Variants in MAST4 observed in about 807,000 individuals in gnomAD.
The protein encoded by MAST4 is microtubule associated serine/threonine kinase family member 4, also known as microtubule-associated serine/threonine-protein kinase 4.
MAST4 carries 89 observed loss-of-function variants against 162.7 expected under a neutral mutation model. That is an observed-to-expected ratio of 0.55 (90% CI 0.46 to 0.65). MAST4 has a LOEUF of 0.65. Ranked by LOEUF, MAST4 falls within the 30% of genes least tolerant of loss-of-function variation. The probability of loss-of-function intolerance (pLI) is 0.00; values close to 1 mark genes in which losing one functional copy is unlikely to be tolerated. For synonymous variants in MAST4, 1,479 were observed against 1,361.1 expected, an observed-to-expected ratio of 1.09 and a Z score of -1.91; for missense variants, 3,153 against 3,374.0, an observed-to-expected ratio of 0.93 and a Z score of 1.62.
At chr5:66,750,380 G>T (rs1753061237) in intron 1 of MAST4, among the ~76,000 whole-genome samples, 1 of 152,248 alleles carries the variant, frequency 6.6e-6, no homozygotes, top group Non-Finnish European at 1.5e-5. Flanking sequence ...TTCCATCTGA[G>T]GTACCGGGTT....
rs540532527 is a variant in MAST4, at chr5:66,627,055, G to C, written c.363+30037G>C. Among the ~76,000 whole-genome samples, 9 of 152,324 alleles carry C rather than the reference G, an allele frequency of 5.9e-5. 1 individual carries two copies. Among genetic ancestry groups the C allele is most frequent in the African/African-American group, 2.2e-4 (9 of 41,572 alleles). On this transcript the variant is annotated intron_variant, in intron 1 of 28. Transcript: ENST00000403625. ...TAATGCTGCTAATAAAGACATGTGA[G>C]ACTGGGTAATTTATAAAGGAAAGCG... is the stretch of plus-strand genomic sequence containing the variant.
chr5:66,928,560 A>G (rs948099490), intron 4 of MAST4, among the ~76,000 whole-genome samples: 1 of 152,166 alleles, frequency 6.6e-6, no homozygotes, highest in African/African-American at 2.4e-5. Flanking sequence ...GCAAATAAAT[A>G]CCATCTCTAC....
chr5:67,082,885 C>A (rs929557207), intron 5 of MAST4, among the ~76,000 whole-genome samples: 8 of 152,184 alleles, frequency 5.3e-5, no homozygotes, highest in Non-Finnish European at 1.2e-4. Flanking sequence ...ACTATTCTTA[C>A]AACTTTCCTC....
At chr5:66,807,886 C>T (rs535804873) in intron 3 of MAST4, among the ~76,000 whole-genome samples, 10 of 152,270 alleles carry the variant, frequency 6.6e-5, no homozygotes, top group East Asian at 1.9e-4. Flanking sequence ...ATATCAAAGC[C>T]GATATTCCTG....
intron 1 of MAST4, among the ~76,000 whole-genome samples, chr5:66,620,165 G>T (rs1430626461): frequency 6.6e-6 from 1 of 151,162 alleles, no homozygotes; most frequent in Admixed American, 6.6e-5. Context: ...CATATCCCAT[G>T]ATGCTGAAGA....
chr5:66,975,254 A>G (rs1353335502), intron 4 of MAST4, among the ~76,000 whole-genome samples: 2 of 152,136 alleles, frequency 1.3e-5, no homozygotes, highest in African/African-American at 4.8e-5. Context: ...CTGGGAGAAT[A>G]TATCTCTATT....
intron 4 of MAST4, among the ~76,000 whole-genome samples, chr5:66,971,105 A>G (rs1051260908): frequency 6.6e-6 from 1 of 152,144 alleles, no homozygotes; most frequent in African/African-American, 2.4e-5. Context: ...TTGCATTCAC[A>G]GTGTAAGATT....
intron 3 of MAST4, among the ~76,000 whole-genome samples, chr5:66,856,993 A>T (rs1163417728): frequency 3.9e-5 from 6 of 152,236 alleles, no homozygotes; most frequent in Non-Finnish European, 8.8e-5. Context: ...TTATAAAAGC[A>T]ATTGGATATT....
intron 1 of MAST4, among the ~76,000 whole-genome samples, chr5:66,615,402 A>G (rs1353132045): frequency 1.3e-5 from 2 of 152,126 alleles, no homozygotes; most frequent in Admixed American, 6.5e-5. Context: ...GTGGGTGACC[A>G]TGAGGATTTT....
At chr5:66,919,963 TCCTTCCTTCCTTCTTTC>T (rs1764415769) in intron 4 of MAST4, among the ~76,000 whole-genome samples, 3 of 111,134 alleles carry the variant, frequency 2.7e-5, no homozygotes, top group Admixed American at 9.5e-5. Flanking sequence ...CTTCCTTCCT[TCCTTCCTTCCTTCTTTC>T]TCTCTCTCTC....
At chr5:66,770,520 C>T (rs1754314027) in intron 2 of MAST4, among the ~76,000 whole-genome samples, 1 of 152,182 alleles carries the variant, frequency 6.6e-6, no homozygotes, top group African/African-American at 2.4e-5. Context: ...AGGTCACCTG[C>T]CACTTAGAAA....
chr5:66,864,743 G>C (rs564039324), intron 3 of MAST4, among the ~76,000 whole-genome samples: 2 of 151,968 alleles, frequency 1.3e-5, no homozygotes, highest in African/African-American at 4.8e-5. Flanking sequence ...ATTAGGCTTG[G>C]AACAGTTCCT....
chr5:66,812,428 G>T (rs1489895330), intron 3 of MAST4, among the ~76,000 whole-genome samples: 1 of 152,170 alleles, frequency 6.6e-6, no homozygotes, highest in Non-Finnish European at 1.5e-5. Flanking sequence ...CTTATCGTCT[G>T]TCCTCAGGAG....
chr5:66,980,608 T>C (rs909546602), intron 4 of MAST4, among the ~76,000 whole-genome samples: 9 of 152,270 alleles, frequency 5.9e-5, no homozygotes, highest in African/African-American at 2.2e-4. Flanking sequence ...AGGGTGAAAA[T>C]ATATTTTAAA....
chr5:66,844,198 T>TGTGTGTGTGTGTGTG (rs1580620555), intron 3 of MAST4, among the ~76,000 whole-genome samples: 2 of 100,046 alleles, frequency 2.0e-5, no homozygotes, highest in African/African-American at 8.1e-5. Context: ...TGTGTGTGTG[T>TGTGTGTGTGTGTGTG]TGGGGCGGGG....
At position 67,100,498 on chromosome 5, in the gene MAST4, C is replaced by T. The variant is rs1438341551; in HGVS notation, c.976C>T (p.His326Tyr). Residue 326 changes from histidine to tyrosine, a missense_variant, in exon 8 of 29, where the codon CAC becomes TAC. By Grantham distance (83) the His-to-Tyr change is moderately conservative (BLOSUM62 2). Around this residue, in one of 7 missense-constraint regions of MAST4, gnomAD observed 360 missense variants for 450.0 expected, o/e 0.80. Coordinates refer to ENST00000403625, the MANE Select transcript of MAST4 (RefSeq NM_001164664.2). ...ATACCAACCAACACCAGACGAGTTA[C>T]ACTTCTTATCAAAACATTTCTGTAC... ...LPYQPTPDEL[H>Y]FLSKHFCTTE... 6.2e-7 allele frequency: 1 copy of T among 1,613,796 alleles called. No homozygotes were observed. Among genetic ancestry groups the T allele is most frequent in the Non-Finnish European group, 8.5e-7 (1 of 1,179,876 alleles).
At chr5:66,607,059 G>T (rs1478971439) in intron 1 of MAST4, among the ~76,000 whole-genome samples, 1 of 152,046 alleles carries the variant, frequency 6.6e-6, no homozygotes, top group Admixed American at 6.5e-5. Flanking sequence ...CCATGTTACA[G>T]CTAAGTGACC....
chr5:66,907,013 A>T (rs1392731378), intron 4 of MAST4, among the ~76,000 whole-genome samples: 1 of 152,008 alleles, frequency 6.6e-6, no homozygotes, highest in Non-Finnish European at 1.5e-5. Flanking sequence ...CTTATAGTAG[A>T]TGTATTTGTT....
intron 1 of MAST4, among the ~76,000 whole-genome samples, chr5:66,681,731 G>T (rs1748340537): frequency 6.6e-6 from 1 of 152,224 alleles, no homozygotes; most frequent in African/African-American, 2.4e-5. Context: ...TTTTGGAAAT[G>T]AACTATGATG....
Sources: allele counts gnomAD v4.1 joint callset (sites outside exome capture counted in the v4.1 genomes callset), GRCh38; gene constraint gnomAD v4.1.1; regional missense constraint gnomAD v4.1.1; transcripts MANE v1.5; gene names NCBI Gene and HGNC (gene_info 2026-07-23, HGNC 2026-07-21).